Variants in NVL observed in about 807,000 individuals in gnomAD.
NVL encodes the protein nuclear VCP like.
A neutral mutation model predicts 110.2 loss-of-function variants in NVL; 84 were observed. The observed-to-expected ratio is 0.76, with a 90% CI of 0.64 to 0.91. The LOEUF is 0.91. NVL is among the 40% of genes least tolerant of loss of function. The pLI is 0.00. For missense variants in NVL, 882 were observed against 1,035.9 expected (o/e 0.85, Z 2.04); for synonymous variants, 354 against 361.1 (o/e 0.98, Z 0.22).
At chr1:224,238,027 CTTTTCTCTTTTCTTT>C (rs1660712351) in intron 19 of NVL, among the ~76,000 whole-genome samples, 2 of 150,196 alleles carry the variant, frequency 1.3e-5, no homozygotes, top group Non-Finnish European at 3.0e-5. Context: ...AGCCATTAAG[CTTTTCTCTTTTCTTT>C]TTTTTTCTTT....
At chr1:224,237,804 C>A (rs987523149) in intron 19 of NVL, among the ~76,000 whole-genome samples, 1 of 149,078 alleles carries the variant, frequency 6.7e-6, no homozygotes, top group Non-Finnish European at 1.5e-5. Context: ...CCTCTGTCTC[C>A]TAGGAGCGAT....
intron 4 of NVL, 100 bp downstream of exon 4, chr1:224,317,594 G>C: frequency 1.4e-6 from 1 of 712,992 alleles, no homozygotes; most frequent in South Asian, 1.7e-5. Context: ...ATATCACGCA[G>C]GGCTTTGTTG....
chr1:224,301,631 A>C (rs772322895), intron 9 of NVL: 14 of 320,970 alleles, frequency 4.4e-5, no homozygotes, highest in Non-Finnish European at 7.3e-5. Context: ...GTGAGACCCC[A>C]CCTCTAAAAA....
intron 21 of NVL, among the ~76,000 whole-genome samples, chr1:224,231,558 G>C (rs1357775364): frequency 6.6e-6 from 1 of 152,040 alleles, no homozygotes; most frequent in Non-Finnish European, 1.5e-5. Flanking sequence ...TAACTTAATG[G>C]TGATGCCTAT....
chr1:224,245,776 A>T (rs1478191502), intron 19 of NVL, among the ~76,000 whole-genome samples: 1 of 151,722 alleles, frequency 6.6e-6, no homozygotes, highest in Non-Finnish European at 1.5e-5. Context: ...CAACATGGTG[A>T]AACCTCATTT....
chr1:224,303,573 T>C (rs1269208497), intron 9 of NVL, 150 bp downstream of exon 9: 2 of 661,212 alleles, frequency 3.0e-6, no homozygotes, highest in African/African-American at 3.7e-5. Flanking sequence ...CCACAAATAA[T>C]ACCAGCATGA....
chr1:224,307,698 C>CAAAAAAAA (rs11366790), intron 6 of NVL, among the ~76,000 whole-genome samples: 1 of 67,492 alleles, frequency 1.5e-5, no homozygotes, highest in African/African-American at 5.1e-5. Flanking sequence ...GACCCAGTCT[C>CAAAAAAAA]AAAAAAAAAA....
intron 20 of NVL, 67 bp downstream of exon 20, chr1:224,236,439 C>T (rs1384893643): frequency 4.2e-6 from 5 of 1,180,460 alleles, no homozygotes; most frequent in African/African-American, 3.0e-5. Flanking sequence ...AGCATCATCA[C>T]CCCTCATTTT....
intron 19 of NVL, among the ~76,000 whole-genome samples, chr1:224,249,865 A>G (rs1483326349): frequency 1.3e-5 from 2 of 152,136 alleles, no homozygotes; most frequent in Non-Finnish European, 2.9e-5. Flanking sequence ...TTCTGAGTAC[A>G]TGGTCCCACA....
chr1:224,326,306 A>G, intron 2 of NVL, 85 bp downstream of exon 2: 1 of 910,120 alleles, frequency 1.1e-6, no homozygotes, highest in South Asian at 1.6e-5. Flanking sequence ...TACTGATATC[A>G]ACTGGAAATT....
intron 18 of NVL, among the ~76,000 whole-genome samples, chr1:224,253,506 G>A (rs546913643): frequency 9.9e-5 from 15 of 151,258 alleles, no homozygotes; most frequent in South Asian, 4.2e-4. Context: ...AGGCTGAGGC[G>A]GGAGGATCAC....
At chr1:224,256,852 A>T (rs1399116870) in intron 18 of NVL, among the ~76,000 whole-genome samples, 2 of 152,066 alleles carry the variant, frequency 1.3e-5, no homozygotes, top group African/African-American at 4.8e-5. Flanking sequence ...GCCATGCTTG[A>T]TTCCACTTTC....
rs539483914 is a variant in NVL, at chr1:224,299,609, A to G, written c.1062+953T>C. Among the ~76,000 whole-genome samples, 4 of 152,342 alleles carry G rather than the reference A, an allele frequency of 2.6e-5. No individual in the cohort carries two copies. The South Asian group carries it at 8.3e-4, about 32-fold the overall frequency. ...CTTATCCTTATTCATCGTGTTTACC[A>G]TACGCACAAAATTTACTACTTGTCT... On this transcript the variant is annotated intron_variant, in intron 10 of 22. Transcript: ENST00000281701.
chr1:224,252,542 T>C (rs1401812600), intron 18 of NVL, among the ~76,000 whole-genome samples: 2 of 152,194 alleles, frequency 1.3e-5, no homozygotes, highest in South Asian at 4.1e-4. Flanking sequence ...TATTATTCCC[T>C]TTTTAGCTAA....
At chr1:224,273,081 C>CGA (rs781289029) in intron 17 of NVL, among the ~76,000 whole-genome samples, 1,535 of 145,664 alleles carry the variant, frequency 0.011, 23 homozygotes, top group African/African-American at 0.036. Context: ...ACAACAAAAA[C>CGA]ACAAGAAAAG....
At chr1:224,308,827 C>T (rs1295255649) in intron 5 of NVL, among the ~76,000 whole-genome samples, 1 of 151,990 alleles carries the variant, frequency 6.6e-6, no homozygotes, top group Non-Finnish European at 1.5e-5. Context: ...TTTGGGAAGC[C>T]GAGGCGGGCG....
chr1:224,267,904 G>A (rs192980067), intron 18 of NVL, 130 bp downstream of exon 18: 2 of 632,860 alleles, frequency 3.2e-6, no homozygotes, highest in East Asian at 2.9e-5. Flanking sequence ...TCCTTTCCTA[G>A]GATGCATGTG....
chr1:224,313,486 A>C (rs1041636445), intron 4 of NVL, among the ~76,000 whole-genome samples: 2 of 152,126 alleles, frequency 1.3e-5, no homozygotes, highest in Non-Finnish European at 1.5e-5. Context: ...TTCTCTAATC[A>C]AAAGATGGTG....
rs1187747452 is a variant in NVL, at chr1:224,227,521, C to G, written c.*105G>C. The G allele has an allele frequency of 8.0e-6, 7 of 872,322 alleles. No individual in the cohort carries two copies. Among genetic ancestry groups the G allele is most frequent in the Non-Finnish European group, 1.2e-5 (7 of 588,562 alleles). 54.0% of individuals were successfully genotyped at this position (872,322 alleles called of 1,614,324 possible). A position where few individuals can be genotyped will look rare whatever the true frequency, so the allele number is the denominator to read the frequency against. Reference sequence around the variant, plus strand: ...CATTCATTTGAAAATAAAATGTTTACATGAGGCCGCGCCTGTGTCCAGCTG... The same window carrying G: ...CATTCATTTGAAAATAAAATGTTTAGATGAGGCCGCGCCTGTGTCCAGCTG... On this transcript the variant is annotated 3_prime_UTR_variant, in exon 23 of 23. Transcript: ENST00000281701.
Sources: allele counts gnomAD v4.1 joint callset (sites outside exome capture counted in the v4.1 genomes callset), GRCh38; gene constraint gnomAD v4.1.1; transcripts MANE v1.5; gene names NCBI Gene and HGNC (gene_info 2026-07-23, HGNC 2026-07-21).